The following JPH3 variants were observed in gnomAD, a reference collection of about 807,000 sequenced individuals.
JPH3 encodes junctophilin 3, also known as junctophilin-3.
JPH3 carries 11 observed loss-of-function variants against 59.6 expected under a neutral mutation model. The observed-to-expected ratio is 0.18, with a 90% confidence interval of 0.12 to 0.31. JPH3 has a LOEUF of 0.31. Ranked by LOEUF, JPH3 falls within the 10% of genes least tolerant of loss-of-function variation. The probability of loss-of-function intolerance (pLI) is 1.00; values close to 1 mark genes in which losing one functional copy is unlikely to be tolerated. For synonymous variants in JPH3, 673 were observed against 483.6 expected, an observed-to-expected ratio of 1.39 and a Z score of -5.14; for missense variants, 1,202 against 1,105.7, an observed-to-expected ratio of 1.09 and a Z score of -1.24.
chr16:87,607,190 G>A (rs913897781), intron 1 of JPH3, among the ~76,000 whole-genome samples: 1 of 152,200 alleles, frequency 6.6e-6, no homozygotes, highest in Admixed American at 6.5e-5. Context: ...AGGACCCCTG[G>A]CCCCCTGAGG....
intron 1 of JPH3, among the ~76,000 whole-genome samples, chr16:87,628,450 G>C (rs1372464211): frequency 1.3e-5 from 2 of 152,250 alleles, no homozygotes; most frequent in African/African-American, 4.8e-5. Flanking sequence ...ATCGTGATCA[G>C]AGCCGGAGCT....
chr16:87,610,205 C>G (rs1413012877), intron 1 of JPH3, among the ~76,000 whole-genome samples: 5 of 152,210 alleles, frequency 3.3e-5, no homozygotes, highest in Non-Finnish European at 7.3e-5. Context: ...ACAGACGAAG[C>G]TTCACTTGCT....
intron 2 of JPH3, among the ~76,000 whole-genome samples, chr16:87,660,665 G>A (rs1363711345): frequency 1.3e-5 from 2 of 152,202 alleles, no homozygotes. Flanking sequence ...CAGTGGACAG[G>A]TGAGTCTCTG....
At chr16:87,696,418 G>A in intron 4 of JPH3, 162 bp from the exon 5 acceptor site, 1 of 632,736 alleles carries the variant, frequency 1.6e-6, no homozygotes, top group Non-Finnish European at 2.8e-6. Context: ...CGGAGCTCAG[G>A]TTCTGGTGGG....
intron 1 of JPH3, among the ~76,000 whole-genome samples, chr16:87,613,430 C>T (rs1051067226): frequency 5.9e-5 from 9 of 152,098 alleles, no homozygotes; most frequent in Non-Finnish European, 1.2e-4. Flanking sequence ...AAGCCATTCT[C>T]CTGCCTCTGC....
Position 87,696,983 on chromosome 16 carries a change from T to C in JPH3, c.*323T>C, listed in dbSNP as rs1028975934. 1.9e-5 allele frequency: 7 copies of C among 359,524 alleles called. No homozygotes were observed. Among genetic ancestry groups the C allele is most frequent in the Non-Finnish European group, 2.7e-5 (5 of 187,512 alleles). The allele number at this position is 359,524 out of a possible 1,614,324, so 22.3% of individuals were successfully genotyped here. A position where few individuals can be genotyped will look rare whatever the true frequency, so the allele number is the denominator to read the frequency against. Reference sequence around the variant, plus strand: ...TCAGTGGTAACAGCGGACGTTGTCCTCGTGGTCACACGTCCCGTCTTGGGT... The same window carrying C: ...TCAGTGGTAACAGCGGACGTTGTCCCCGTGGTCACACGTCCCGTCTTGGGT... On this transcript the variant is annotated 3_prime_UTR_variant, in exon 5 of 5. Transcript: ENST00000284262.
chr16:87,618,737 T>C (rs1487704981), intron 1 of JPH3, among the ~76,000 whole-genome samples: 1 of 152,168 alleles, frequency 6.6e-6, no homozygotes, highest in Non-Finnish European at 1.5e-5. Context: ...TAGGTGCTTG[T>C]CGGCCCATTG....
chr16:87,675,909 G>T (rs1363744053), intron 2 of JPH3, among the ~76,000 whole-genome samples: 1 of 152,156 alleles, frequency 6.6e-6, no homozygotes, highest in South Asian at 2.1e-4. Context: ...CTGGCCTTTC[G>T]CTCTGTAATT....
intron 2 of JPH3, among the ~76,000 whole-genome samples, chr16:87,659,578 T>C (rs1252456440): frequency 6.6e-6 from 1 of 151,374 alleles, no homozygotes; most frequent in African/African-American, 2.4e-5. Context: ...CAAAAATTAG[T>C]AGTGTATTAG....
At chr16:87,627,087 G>A (rs556297894) in intron 1 of JPH3, among the ~76,000 whole-genome samples, 39 of 152,308 alleles carry the variant, frequency 2.6e-4, no homozygotes, top group African/African-American at 8.4e-4. Context: ...CCCCAGCCCC[G>A]CTGAATCAGT....
chr16:87,649,140 G>C (rs1885100337), intron 2 of JPH3, among the ~76,000 whole-genome samples: 1 of 152,152 alleles, frequency 6.6e-6, no homozygotes, highest in East Asian at 1.9e-4. Flanking sequence ...AGAGGGGCGG[G>C]AGCCAGTGGC....
At chr16:87,643,214 G>GA (rs1387980293) in intron 1 of JPH3, among the ~76,000 whole-genome samples, 1 of 152,240 alleles carries the variant, frequency 6.6e-6, no homozygotes, top group Non-Finnish European at 1.5e-5. Context: ...CAGCCTGTGT[G>GA]AGAATGTTCT....
intron 1 of JPH3, among the ~76,000 whole-genome samples, chr16:87,643,687 C>T (rs1326274857): frequency 6.6e-6 from 1 of 152,204 alleles, no homozygotes; most frequent in Non-Finnish European, 1.5e-5. Context: ...GCACCACAGA[C>T]TCTGATGCCT....
Position 87,644,562 on chromosome 16 carries a change from G to C in JPH3, c.687G>C (p.Glu229Asp). Residue 229 changes from glutamate (E) to aspartate (D), a missense_variant, in exon 2 of 5, where the codon GAG (glutamate) becomes GAC (aspartate). Transcript: ENST00000284262. ...LLSGLKLRKS[E>D]SKSSLASQRS... ...GTGGGCTGAAGCTGCGCAAGTCGGA[G>C]TCCAAGAGCAGCCTGGCCAGCCAAC... 1.2e-6 allele frequency: 2 copies of C among 1,612,878 alleles called. No homozygotes were observed. The highest frequency in any genetic ancestry group is 1.7e-6 in the Non-Finnish European group (2 of 1,179,822).
At chr16:87,689,069 G>A (rs1372410735) in intron 3 of JPH3, among the ~76,000 whole-genome samples, 1 of 152,154 alleles carries the variant, frequency 6.6e-6, no homozygotes, top group Admixed American at 6.5e-5. Context: ...TCCCCTTCCG[G>A]GGAGCCCCGC....
intron 1 of JPH3, among the ~76,000 whole-genome samples, chr16:87,627,789 TGCCGGTGGGC>T (rs1276893391): frequency 1.3e-5 from 2 of 152,202 alleles, no homozygotes; most frequent in African/African-American, 4.8e-5. Flanking sequence ...CTTCCACCCA[TGCCGGTGGGC>T]GGGTTTTCTC....
At chr16:87,617,485 T>G (rs2031014843) in intron 1 of JPH3, among the ~76,000 whole-genome samples, 2 of 151,902 alleles carry the variant, frequency 1.3e-5, no homozygotes, top group African/African-American at 4.8e-5. Context: ...GGAAGTTGTA[T>G]GGCTGAGTTC....
chr16:87,676,978 T>C (rs1189746568), intron 2 of JPH3, among the ~76,000 whole-genome samples: 1 of 151,216 alleles, frequency 6.6e-6, no homozygotes, highest in Admixed American at 6.6e-5. Flanking sequence ...GAAACCATGG[T>C]GAAACCCCGT....
In JPH3 at chr16:87,690,280, G is replaced by T; in HGVS notation, c.1920G>T (p.Gly640=). The T allele has an allele frequency of 1.2e-6, 2 of 1,600,880 alleles. No individual in the cohort carries two copies. Among genetic ancestry groups the T allele is most frequent in the East Asian group, 2.3e-5 (1 of 44,244 alleles). The part of the protein sequence containing the change: ...YSKGGACRGL[G]DDHRPEDRGF... The stretch of plus-strand genomic sequence containing the variant: ...AGGGCGGCGCCTGCCGGGGCTTGGG[G>T]GACGACCACCGCCCCGAGGACCGGG... Residue 640 remains glycine, a synonymous_variant, in exon 4 of 5, where the codon GGG becomes GGT. Transcript: ENST00000284262.
Sources: gnomAD v4.1 joint callset for allele counts (sites outside exome capture counted in the v4.1 genomes callset) on GRCh38, gnomAD v4.1.1 for gene constraint, MANE v1.5 for transcripts, NCBI Gene and HGNC (gene_info 2026-07-23, HGNC 2026-07-21) for gene names.